The following PLEK2 variants were observed in gnomAD, a reference collection of about 807,000 sequenced individuals.
PLEK2 encodes pleckstrin 2.
PLEK2 carries 29 observed loss-of-function variants against 43.8 expected under a neutral mutation model. The ratio of observed to expected loss-of-function variants is 0.66; its 90% CI spans 0.49 to 0.90. The LOEUF (loss-of-function observed/expected upper bound fraction) is 0.90, where lower values mean the gene tolerates loss of function less well. Ranked by LOEUF, PLEK2 falls within the 40% of genes least tolerant of loss-of-function variation. The pLI, the probability that PLEK2 is intolerant of heterozygous loss-of-function variation, is 0.00. For synonymous variants in PLEK2, 162 were observed against 173.2 expected (o/e 0.94, Z 0.51); for missense variants, 398 against 448.1 (o/e 0.89, Z 1.01).
At chr14:67,391,579 T>C (rs973581261) in intron 6 of PLEK2, among the ~76,000 whole-genome samples, 1 of 152,120 alleles carries the variant, frequency 6.6e-6, no homozygotes, top group Admixed American at 6.6e-5. Flanking sequence ...CGAGTAACGA[T>C]GGGAGTGGTG....
chr14:67,398,747 G>A (rs920505338), intron 1 of PLEK2, among the ~76,000 whole-genome samples: 2 of 151,944 alleles, frequency 1.3e-5, no homozygotes, highest in African/African-American at 4.8e-5. Flanking sequence ...TTGTAAAGAC[G>A]AGGTCTCACT....
chr14:67,397,773 C>T lies in PLEK2; in HGVS notation c.96G>A (p.Thr32=), dbSNP rs767693597. The change falls in exon 2 of 9, where the codon ACG becomes ACA. Residue 32 remains threonine (T), a synonymous_variant. Coordinates refer to ENST00000216446, the MANE Select transcript of PLEK2 (RefSeq NM_016445.3). Reference sequence around the variant, plus strand: ...CCCCCTCAAGCTTGTAGTACACCAGCGTGTTCTGCCGAAGGATGAACCATC... The same window carrying T: ...CCCCCTCAAGCTTGTAGTACACCAGTGTGTTCTGCCGAAGGATGAACCATC... ...KARWFILRQN[T]LVYYKLEGGR... 96 of 1,613,178 alleles carry T rather than the reference C, an allele frequency of 6.0e-5. No individual in the cohort carries two copies. The highest frequency in any genetic ancestry group is 7.2e-5 in the Non-Finnish European group (85 of 1,179,642).
intron 1 of PLEK2, among the ~76,000 whole-genome samples, chr14:67,405,761 C>T (rs1440602879): frequency 6.6e-6 from 1 of 152,180 alleles, no homozygotes; most frequent in Non-Finnish European, 1.5e-5. Context: ...ATATCCTAAG[C>T]AGCCCAATTG....
intron 1 of PLEK2, among the ~76,000 whole-genome samples, chr14:67,406,771 A>G (rs2086082136): frequency 6.6e-6 from 1 of 152,190 alleles, no homozygotes; most frequent in South Asian, 2.1e-4. Flanking sequence ...GTTCTGCTCT[A>G]CAGATAAACC....
At chr14:67,402,462 A>C (rs186159071) in intron 1 of PLEK2, among the ~76,000 whole-genome samples, 1 of 152,250 alleles carries the variant, frequency 6.6e-6, no homozygotes, top group African/African-American at 2.4e-5. Context: ...TTAAACGTAC[A>C]ATTAAGTTAT....
rs1415608726 is a variant in PLEK2, at chr14:67,408,340, AAAATAAAATAAAAT to A, written c.42+3664_42+3677del. 1.1e-3 allele frequency among the ~76,000 whole-genome samples: 156 copies of A among 147,274 alleles called. 2 individuals are homozygous for A. The South Asian group carries it at 0.029, about 28-fold the overall frequency. On this transcript the variant is annotated intron_variant, in intron 1 of 8. Transcript: ENST00000216446. ...AAAATAAAATAAAATAAAATAAAATAAAATAAAATAAAATAAAAAAAGAAAAAACAAAGATGGGA... is the reference window on the plus strand; with the variant it reads ...AAAATAAAATAAAATAAAATAAAATAAAAAAAAGAAAAAACAAAGATGGGA...
chr14:67,404,688 T>G (rs900765802), intron 1 of PLEK2, among the ~76,000 whole-genome samples: 4 of 151,012 alleles, frequency 2.6e-5, no homozygotes, highest in African/African-American at 9.8e-5. Context: ...CATGCACCTG[T>G]GGTCCCAGCC....
intron 1 of PLEK2, chr14:67,398,130 T>C (rs2086024409): frequency 3.9e-6 from 1 of 254,068 alleles, no homozygotes. Context: ...TAACATATTG[T>C]ATTTCCTTCC....
intron 1 of PLEK2, among the ~76,000 whole-genome samples, chr14:67,406,893 A>G (rs2086082581): frequency 6.6e-6 from 1 of 152,172 alleles, no homozygotes; most frequent in Non-Finnish European, 1.5e-5. Flanking sequence ...CTCCACCTGG[A>G]CACTTGTCCC....
At chr14:67,395,058 T>C (rs1566625727) in intron 3 of PLEK2, among the ~76,000 whole-genome samples, 1 of 152,150 alleles carries the variant, frequency 6.6e-6, no homozygotes, top group Non-Finnish European at 1.5e-5. Context: ...TTTCAGGTAT[T>C]CTGTTATAAG....
At chr14:67,402,775 T>C (rs190678145) in intron 1 of PLEK2, among the ~76,000 whole-genome samples, 35 of 152,246 alleles carry the variant, frequency 2.3e-4, no homozygotes, top group Admixed American at 5.9e-4. Context: ...TTTTTATGGC[T>C]GAATAGTATT....
intron 1 of PLEK2, among the ~76,000 whole-genome samples, chr14:67,405,053 G>A (rs2086070088): frequency 6.6e-6 from 1 of 151,274 alleles, no homozygotes. Context: ...GGCCAACATG[G>A]CGAAACCCCA....
At chr14:67,391,912 T>C (rs953148574) in intron 6 of PLEK2, among the ~76,000 whole-genome samples, 1 of 152,090 alleles carries the variant, frequency 6.6e-6, no homozygotes, top group African/African-American at 2.4e-5. Flanking sequence ...TCAGAAAGTG[T>C]ATCAAGGAGG....
At chr14:67,389,774 T>C (rs1025484556) in intron 7 of PLEK2, among the ~76,000 whole-genome samples, 1 of 147,000 alleles carries the variant, frequency 6.8e-6, no homozygotes, top group Non-Finnish European at 1.5e-5. Context: ...GTGTTTTTTT[T>C]CTTTTTTTTT....
chr14:67,388,170 G>T, intron 8 of PLEK2, 54 bp downstream of exon 8: 1 of 1,119,570 alleles, frequency 8.9e-7, no homozygotes, highest in Non-Finnish European at 1.4e-6. Context: ...CATTACTGAG[G>T]TGCAGGAGGG....
chr14:67,398,506 C>G (rs1297136661), intron 1 of PLEK2, among the ~76,000 whole-genome samples: 1 of 152,154 alleles, frequency 6.6e-6, no homozygotes, highest in African/African-American at 2.4e-5. Context: ...TGAGAACCAC[C>G]TAAATGACCC....
rs11545998 is a variant in PLEK2 at position 67,395,566 on chromosome 14, C to A, written c.225G>T (p.Lys75Asn). ...YENRPLLIKL[K>N]TQTSTEYFLE... ...GGAAGTACTCCGTGGATGTTTGAGT[C>A]TTCAGCTTAATGAGGAGCTGTGGGA... Residue 75 changes from lysine (K) to asparagine (N), a missense_variant, in exon 3 of 9, where the codon AAG becomes AAT. Physicochemically the swap from Lys to Asn is moderately conservative, Grantham distance 94. Coordinates refer to ENST00000216446, the MANE Select transcript of PLEK2 (RefSeq NM_016445.3). 3 of 1,614,154 alleles carry A rather than the reference C, an allele frequency of 1.9e-6. No individual in the cohort carries two copies. In the South Asian group the frequency reaches 3.3e-5, roughly 18 times the overall value.
chr14:67,391,454 G>A (rs2085967529), intron 6 of PLEK2, among the ~76,000 whole-genome samples: 1 of 151,972 alleles, frequency 6.6e-6, no homozygotes, highest in East Asian at 1.9e-4. Context: ...ACTCCTATCA[G>A]GCCCAGCAGA....
rs762524654 is a variant in PLEK2, at chr14:67,390,676, T to C, written c.842A>G (p.Tyr281Cys). The C allele has an allele frequency of 1.9e-6, 3 of 1,612,116 alleles. No individual in the cohort carries two copies. The Admixed American group carries it at 5.0e-5, about 27-fold the overall frequency. ...ATGCGCACTCACTTTGGAAGGGTCA[T>C]AGTAATGCAGGAAAGCTGGATCCTT... The part of the protein sequence containing the change: ...LRKDPAFLHY[Y>C]DPSKEENRPV... Residue 281 changes from tyrosine to cysteine, a missense_variant, in exon 7 of 9, where the codon TAT becomes TGT. Coordinates refer to ENST00000216446, the MANE Select transcript of PLEK2 (RefSeq NM_016445.3).
Sources: gnomAD v4.1 joint callset for allele counts (sites outside exome capture counted in the v4.1 genomes callset) on GRCh38, gnomAD v4.1.1 for gene constraint, MANE v1.5 for transcripts, NCBI Gene and HGNC (gene_info 2026-07-23, HGNC 2026-07-21) for gene names.